PLA2G4A: variants seen among roughly 807,000 people sequenced by gnomAD.
PLA2G4A encodes the protein cytosolic phospholipase A2.
A neutral mutation model predicts 81.9 loss-of-function variants in PLA2G4A; 40 were observed. The ratio of observed to expected loss-of-function variants is 0.49; its 90% confidence interval spans 0.38 to 0.64. The LOEUF (loss-of-function observed/expected upper bound fraction) is 0.64. Among genes scored for constraint, PLA2G4A ranks in the 30% least tolerant of loss-of-function variants. PLA2G4A has a pLI of 0.00. For synonymous variants in PLA2G4A, 302 were observed against 296.9 expected, an observed-to-expected ratio of 1.02 and a Z score of -0.18; for missense variants, 715 against 905.1, an observed-to-expected ratio of 0.79 and a Z score of 2.69.
chr1:186,950,694 C>A lies in PLA2G4A; in HGVS notation c.1302C>A (p.Ser434Arg). The A allele has an allele frequency of 1.2e-6, 2 of 1,605,458 alleles. No individual in the cohort carries two copies. The highest frequency in any genetic ancestry group is 1.7e-6 in the Non-Finnish European group (2 of 1,172,440). The change falls in exon 13 of 18, where the codon AGC (serine) becomes AGA (arginine). Residue 434 changes from serine to arginine, a missense_variant. Physicochemically the swap from Ser to Arg is moderately radical, Grantham distance 110. Transcript: ENST00000367466. ...ITTKHIVSND[S>R]SDSDDESHEP... ...CAAAGCATATTGTGAGTAATGATAG[C>A]TCGGACAGTGATGATGAATCACACG...
intron 14 of PLA2G4A, among the ~76,000 whole-genome samples, chr1:186,961,026 G>T (rs1394561225): frequency 1.3e-5 from 2 of 152,040 alleles, no homozygotes; most frequent in Admixed American, 6.6e-5. Flanking sequence ...GTTTGGCTTG[G>T]TTTTTTTGTT....
rs746079173 is a variant in PLA2G4A, at chr1:186,988,410, T to C, written c.2152T>C (p.Tyr718His). Residue 718 changes from tyrosine to histidine, a missense_variant, in exon 18 of 18, where the codon TAT (tyrosine) becomes CAT (histidine). Tyr to His is a moderately conservative substitution (Grantham distance 83). Coordinates refer to ENST00000367466, the MANE Select transcript of PLA2G4A (RefSeq NM_024420.3). The part of the protein sequence containing the change: ...IKEAMVESIE[Y>H]RRQNPSRCSV... ...AGAAGCCATGGTTGAAAGCATTGAA[T>C]ATAGAAGACAGAATCCATCTCGTTG... 11 of 1,611,916 alleles carry C rather than the reference T, an allele frequency of 6.8e-6. No individual in the cohort carries two copies. Among genetic ancestry groups the C allele is most frequent in the Non-Finnish European group, 9.3e-6 (11 of 1,178,272 alleles).
chr1:186,850,218 G>A (rs971520615), intron 1 of PLA2G4A, among the ~76,000 whole-genome samples: 1 of 152,106 alleles, frequency 6.6e-6, no homozygotes, highest in Non-Finnish European at 1.5e-5. Context: ...ATATTTGTCT[G>A]TGTATATATT....
chr1:186,951,749 A>G (rs1656568793), intron 13 of PLA2G4A, among the ~76,000 whole-genome samples: 1 of 152,088 alleles, frequency 6.6e-6, no homozygotes, highest in Admixed American at 6.6e-5. Context: ...TTCTCTGGAG[A>G]ATGTAGCTGC....
chr1:186,865,938 A>ACACT (rs1653011722), intron 2 of PLA2G4A, among the ~76,000 whole-genome samples: 1 of 152,220 alleles, frequency 6.6e-6, no homozygotes, highest in African/African-American at 2.4e-5. Flanking sequence ...ATGCAGAAAG[A>ACACT]CACTCAAAGT....
chr1:186,987,087 A>G (rs533647882), intron 17 of PLA2G4A, among the ~76,000 whole-genome samples: 1 of 152,346 alleles, frequency 6.6e-6, no homozygotes, highest in East Asian at 1.9e-4. Flanking sequence ...TAAAGTTACT[A>G]TTAGAGAATA....
Position 186,912,982 on chromosome 1 carries a change from T to C in PLA2G4A, c.558+1593T>C, listed in dbSNP as rs116316013. 7.7e-3 allele frequency among the ~76,000 whole-genome samples: 1,163 copies of C among 150,840 alleles called. 19 individuals are homozygous for C. The highest frequency in any genetic ancestry group is 0.025 in the African/African-American group (1,050 of 41,276). ...GTAGGCTAAAATTAAACTGTGGAAA[T>C]CATCATTATCGAACAAGAAGAAAAT... On this transcript the variant is annotated intron_variant, in intron 7 of 17. Coordinates refer to ENST00000367466, the MANE Select transcript of PLA2G4A (RefSeq NM_024420.3).
intron 7 of PLA2G4A, among the ~76,000 whole-genome samples, chr1:186,912,913 G>C (rs1201801061): frequency 4.0e-5 from 6 of 149,002 alleles, no homozygotes; most frequent in South Asian, 2.1e-4. Context: ...AATAGGAAAA[G>C]TTTAGCCTCA....
chr1:186,933,040 C>T, intron 8 of PLA2G4A, 141 bp downstream of exon 8: 1 of 693,644 alleles, frequency 1.4e-6, no homozygotes, highest in Non-Finnish European at 2.5e-6. Flanking sequence ...ATGCCACAAT[C>T]TGCTTTAAAA....
intron 15 of PLA2G4A, among the ~76,000 whole-genome samples, chr1:186,966,401 A>G (rs530125041): frequency 7.9e-5 from 12 of 152,282 alleles, no homozygotes; most frequent in Admixed American, 2.6e-4. Flanking sequence ...AGTGGGGAAC[A>G]GTATTGAAAT....
intron 12 of PLA2G4A, 127 bp from the exon 13 acceptor site, chr1:186,950,530 T>G: frequency 1.7e-6 from 1 of 576,610 alleles, no homozygotes; most frequent in East Asian, 3.0e-5. Flanking sequence ...TTAAATGGAT[T>G]TAAATTTATA....
intron 8 of PLA2G4A, among the ~76,000 whole-genome samples, chr1:186,933,749 G>A (rs1228029289): frequency 6.6e-6 from 1 of 152,002 alleles, no homozygotes; most frequent in South Asian, 2.1e-4. Context: ...TTGTGAGATG[G>A]GTATGAATTT....
At chr1:186,875,554 A>G (rs1653436557) in intron 3 of PLA2G4A, among the ~76,000 whole-genome samples, 2 of 152,086 alleles carry the variant, frequency 1.3e-5, no homozygotes, top group Admixed American at 6.6e-5. Context: ...CATGAAATGT[A>G]CTATACACAC....
At chr1:186,933,047 A>G in intron 8 of PLA2G4A, 148 bp downstream of exon 8, 4 of 677,852 alleles carry the variant, frequency 5.9e-6, no homozygotes, top group Non-Finnish European at 1.0e-5. Context: ...AATCTGCTTT[A>G]AAAGATTTTT....
At chr1:186,951,050 T>G (rs1557888692) in intron 13 of PLA2G4A, among the ~76,000 whole-genome samples, 1 of 152,174 alleles carries the variant, frequency 6.6e-6, no homozygotes, top group Admixed American at 6.5e-5. Context: ...GTTACTGTGA[T>G]TTGGGAACAT....
Position 186,982,894 on chromosome 1 carries a change from C to T in PLA2G4A, c.2118+3422C>T, listed in dbSNP as rs1163409710. Reference sequence around the variant, plus strand: ...GAGATCAAGACCATCCCGGCTAACACGGTGAAACCCCGTCTCTACTAAAAA... The same window carrying T: ...GAGATCAAGACCATCCCGGCTAACATGGTGAAACCCCGTCTCTACTAAAAA... On this transcript the variant is annotated intron_variant, in intron 17 of 17. Transcript: ENST00000367466. 4.6e-5 allele frequency among the ~76,000 whole-genome samples: 7 copies of T among 152,026 alleles called. 1 individual carries two copies. The South Asian group carries it at 1.2e-3, about 27-fold the overall frequency.
In PLA2G4A at chr1:186,979,073, G is replaced by A. The variant is rs1322848671; in HGVS notation, c.1961-242G>A. 2.0e-5 allele frequency among the ~76,000 whole-genome samples: 3 copies of A among 152,224 alleles called. No homozygotes were observed. In the East Asian group the frequency reaches 5.8e-4, roughly 29 times the overall value. ...TTCCAGCCTGCTGTGAGTGGGTCAA[G>A]CAGGCTTCTACAGTTGCAGGGCAGG... is the stretch of plus-strand genomic sequence containing the variant. On this transcript the variant is annotated intron_variant, in intron 16 of 17. Coordinates refer to ENST00000367466, the MANE Select transcript of PLA2G4A (RefSeq NM_024420.3).
intron 1 of PLA2G4A, among the ~76,000 whole-genome samples, chr1:186,833,777 C>T (rs1299872025): frequency 2.0e-5 from 3 of 152,152 alleles, no homozygotes; most frequent in African/African-American, 7.2e-5. Context: ...CAACTCAATG[C>T]TCACCATAAG....
intron 2 of PLA2G4A, among the ~76,000 whole-genome samples, chr1:186,858,909 G>A (rs968412977): frequency 6.7e-6 from 1 of 150,282 alleles, no homozygotes; most frequent in Non-Finnish European, 1.5e-5. Context: ...AACCAACTGT[G>A]GGTGTGTGCG....
Sources: gnomAD v4.1 joint callset for allele counts (sites outside exome capture counted in the v4.1 genomes callset) on GRCh38, gnomAD v4.1.1 for gene constraint, MANE v1.5 for transcripts, NCBI Gene and HGNC (gene_info 2026-07-23, HGNC 2026-07-21) for gene names.